Variants in ZNF268 observed in about 807,000 individuals in gnomAD.
The protein encoded by ZNF268 is zinc finger protein 3.
In ZNF268, 20 loss-of-function variants were observed where a neutral mutation model predicts 29.3. The observed-to-expected ratio is 0.68, with a 90% confidence interval of 0.48 to 0.99. The LOEUF is 0.99. Ranked by LOEUF, ZNF268 falls within the 50% of genes least tolerant of loss-of-function variation. ZNF268 has a pLI of 0.00. For synonymous variants in ZNF268, 429 were observed against 376.9 expected (o/e 1.14, Z -1.60); for missense variants, 1,240 against 1,121.6 (o/e 1.11, Z -1.51).
At position 133,203,484 on chromosome 12, in the gene ZNF268, A is replaced by G. The variant is rs371063082; in HGVS notation, c.1798A>G (p.Ile600Val). ...GKAFGLKSQL[I>V]IHQRTHTGEK... is the part of the protein sequence containing the mutation. ...GGCTTTTGGTTTAAAGTCACAGCTT[A>G]TTATACACCAGAGAACTCATACAGG... The change falls in exon 6 of 6, where the codon ATT becomes GTT. Residue 600 changes from isoleucine to valine, a missense_variant. Coordinates refer to ENST00000536435, the MANE Select transcript of ZNF268 (RefSeq NM_003415.3). 1.6e-5 allele frequency: 24 copies of G among 1,542,916 alleles called. No homozygotes were observed. In the African/African-American group the frequency reaches 2.7e-4, roughly 18 times the overall value.
At position 133,203,446 on chromosome 12, in the gene ZNF268, CCGA is replaced by C. The variant is rs1299929694; in HGVS notation, c.1762_1764del (p.Asp588del). 1.9e-6 allele frequency: 3 copies of C among 1,541,632 alleles called. No homozygotes were observed. In the African/African-American group the frequency reaches 4.1e-5, roughly 21 times the overall value. On this transcript the variant is annotated inframe_deletion, in exon 6 of 6. Transcript: ENST00000536435. ...GCAGGAGAGAAGCCTTATGAATGCA[CCGA>C]CTGTGGAAAGGCTTTTGGTTTAAAG...
At position 133,202,245 on chromosome 12, in the gene ZNF268, C is replaced by T; in HGVS notation, c.559C>T (p.Leu187=). The change falls in exon 6 of 6, where the codon CTA becomes TTA. Residue 187 remains leucine (L), a synonymous_variant. Coordinates refer to ENST00000536435, the MANE Select transcript of ZNF268 (RefSeq NM_003415.3). ...KSFECTTFGK[L]CLLSTKYLSR... ...CTTTGAATGCACTACATTTGGAAAA[C>T]TATGTCTTCTTAGTACAAAGTATCT... 6.2e-7 allele frequency: 1 copy of T among 1,612,218 alleles called. No individual in the cohort carries two copies. The highest frequency in any genetic ancestry group is 8.5e-7 in the Non-Finnish European group (1 of 1,179,108).
At chr12:133,198,466 T>C (rs921391383) in intron 5 of ZNF268, among the ~76,000 whole-genome samples, 17 of 151,328 alleles carry the variant, frequency 1.1e-4, no homozygotes, top group Middle Eastern at 3.4e-3. Flanking sequence ...AGTCAGGTAG[T>C]GTGATGCCTC....
chr12:133,190,638 A>C (rs1038533020), intron 3 of ZNF268, among the ~76,000 whole-genome samples: 44 of 152,334 alleles, frequency 2.9e-4, no homozygotes, highest in African/African-American at 1.0e-3. Flanking sequence ...TACTTACAGC[A>C]GTTACCTTTT....
intron 3 of ZNF268, 55 bp from the exon 4 acceptor site, chr12:133,191,434 T>C: frequency 6.2e-7 from 1 of 1,610,660 alleles, no homozygotes; most frequent in Non-Finnish European, 8.5e-7. Flanking sequence ...AAACAGCTAG[T>C]TTTCCACAAA....
At chr12:133,182,069 C>A in intron 2 of ZNF268, 39 bp downstream of exon 2, 1 of 1,550,692 alleles carries the variant, frequency 6.4e-7, no homozygotes, top group South Asian at 1.2e-5. Context: ...AAAGCTCTCC[C>A]TGAATGCCAA....
chr12:133,200,533 G>A (rs1412334535), intron 5 of ZNF268, among the ~76,000 whole-genome samples: 1 of 152,136 alleles, frequency 6.6e-6, no homozygotes, highest in Non-Finnish European at 1.5e-5. Context: ...TTCTGTAGAT[G>A]TCTATTAGCT....
Position 133,203,853 on chromosome 12 carries a change from C to T in ZNF268, c.2167C>T (p.Pro723Ser). Residue 723 changes from proline (P) to serine (S), a missense_variant, in exon 6 of 6, where the codon CCA becomes TCA. By Grantham distance (74) the Pro-to-Ser change is moderately conservative (BLOSUM62 -1). Around this residue, in one of 3 missense-constraint regions of ZNF268, gnomAD observed 1,177 missense variants for 1,039.6 expected, o/e 1.13. Transcript: ENST00000536435. ...TATGAGAACTCATACAGGAGAGAAACCACATGAGTGCAGGGAATGCGGGAA... is the reference window on the plus strand; with the variant it reads ...TATGAGAACTCATACAGGAGAGAAATCACATGAGTGCAGGGAATGCGGGAA... ...IHMRTHTGEK[P>S]HECRECGKSF... 1 of 1,566,986 alleles carries T rather than the reference C, an allele frequency of 6.4e-7. No homozygotes were observed. Among genetic ancestry groups the T allele is most frequent in the Non-Finnish European group, 8.6e-7 (1 of 1,161,706 alleles).
intron 2 of ZNF268, among the ~76,000 whole-genome samples, chr12:133,186,593 G>A (rs770639209): frequency 2.6e-5 from 4 of 151,830 alleles, no homozygotes; most frequent in Non-Finnish European, 4.4e-5. Flanking sequence ...GCCCAGGCTG[G>A]TCTCGAACTC....
chr12:133,184,731 C>T (rs990559423), intron 2 of ZNF268: 42 of 450,388 alleles, frequency 9.3e-5, no homozygotes, highest in African/African-American at 7.8e-4. Flanking sequence ...GTTCTCTTGC[C>T]TCAGCCTCCT....
rs1413782998 is a variant in ZNF268, at chr12:133,203,086, C to G, written c.1400C>G (p.Thr467Arg). ...SQLIVHQGIH[T>R]GVKPYGCIQC... ...CTCATTGTACATCAGGGGATTCACACAGGAGTAAAGCCCTATGGGTGTATT... is the reference window on the plus strand; with the variant it reads ...CTCATTGTACATCAGGGGATTCACAGAGGAGTAAAGCCCTATGGGTGTATT... The change falls in exon 6 of 6, where the codon ACA (threonine) becomes AGA (arginine). Residue 467 changes from threonine to arginine, a missense_variant. By Grantham distance (71) the Thr-to-Arg change is moderately conservative. Around this residue, in one of 3 missense-constraint regions of ZNF268, gnomAD observed 1,177 missense variants for 1,039.6 expected, o/e 1.13. Transcript: ENST00000536435. 1.3e-6 allele frequency: 2 copies of G among 1,537,592 alleles called. No homozygotes were observed. The highest frequency in any genetic ancestry group is 1.7e-6 in the Non-Finnish European group (2 of 1,146,944).
At chr12:133,191,250 T>C (rs1438345307) in intron 3 of ZNF268, among the ~76,000 whole-genome samples, 2 of 151,188 alleles carry the variant, frequency 1.3e-5, no homozygotes, top group African/African-American at 2.4e-5. Context: ...CCAGGAGGTA[T>C]ACCTTGCAGT....
At chr12:133,192,910 C>T (rs897897626) in intron 5 of ZNF268, among the ~76,000 whole-genome samples, 1 of 152,184 alleles carries the variant, frequency 6.6e-6, no homozygotes, top group African/African-American at 2.4e-5. Flanking sequence ...CCGCCCACCT[C>T]GGCCTCCCAA....
At position 133,202,403 on chromosome 12, in the gene ZNF268, T is replaced by C; in HGVS notation, c.717T>C (p.His239=). The change falls in exon 6 of 6, where the codon CAT becomes CAC. Residue 239 remains histidine (H), a synonymous_variant. Coordinates refer to ENST00000536435, the MANE Select transcript of ZNF268 (RefSeq NM_003415.3). Reference sequence around the variant, plus strand: ...GAAAATCATTCTTCCATTCTAAACATGAGCAAACTGTTATTGGAATAAAAT... The same window carrying C: ...GAAAATCATTCTTCCATTCTAAACACGAGCAAACTGTTATTGGAATAAAAT... The part of the protein sequence containing the change: ...VHGKSFFHSK[H]EQTVIGIKYC... 1 of 1,611,192 alleles carries C rather than the reference T, an allele frequency of 6.2e-7. No homozygotes were observed. Among genetic ancestry groups the C allele is most frequent in the African/African-American group, 1.3e-5 (1 of 74,980 alleles).
At chr12:133,189,725 A>G (rs2135493436) in intron 3 of ZNF268, among the ~76,000 whole-genome samples, 2 of 152,336 alleles carry the variant, frequency 1.3e-5, no homozygotes, top group East Asian at 3.9e-4. Context: ...TCTGTAAAAA[A>G]GGACAGTTTT....
In ZNF268 at chr12:133,212,474, T is replaced by TATATAC. The variant is rs1956997324; in HGVS notation, c.*7949_*7950insCATATA. On this transcript the variant is annotated 3_prime_UTR_variant, in exon 6 of 6. Transcript: ENST00000536435. ...ATATATATATATATATATATATATA[T>TATATAC]ATATATATATATATATATATATATG... 1 of 9,496 alleles carries TATATAC rather than the reference T, an allele frequency of 1.1e-4. No individual in the cohort carries two copies. The highest frequency in any genetic ancestry group is 1.4e-3 in the Admixed American group (1 of 724). The allele number at this position is 9,496 out of a possible 1,614,324, so 0.6% of individuals were successfully genotyped here.
chr12:133,193,606 G>A (rs1042419790), intron 5 of ZNF268: 8 of 541,884 alleles, frequency 1.5e-5, no homozygotes, highest in African/African-American at 7.6e-5. Context: ...TTTTAGAAAC[G>A]ACTAATCCAT....
rs1956838408 is a variant in ZNF268 at position 133,204,163 on chromosome 12, A to G, written c.2477A>G (p.His826Arg). 2.6e-6 allele frequency: 4 copies of G among 1,542,036 alleles called. No homozygotes were observed. Among genetic ancestry groups the G allele is most frequent in the South Asian group, 1.2e-5 (1 of 84,150 alleles). The change falls in exon 6 of 6, where the codon CAT (histidine) becomes CGT (arginine). Residue 826 changes from histidine (H) to arginine (R), a missense_variant. His to Arg is a conservative substitution (Grantham distance 29). This residue lies in a region of ZNF268 where 1,177 missense variants were observed against 1,039.6 expected (regional missense o/e 1.13). Coordinates refer to ENST00000536435, the MANE Select transcript of ZNF268 (RefSeq NM_003415.3). ...AFIWKSLLIV[H>R]ERTHAGVNPY... ...ATTTGGAAATCACTACTCATTGTAC[A>G]TGAGCGAACTCATGCAGGGGTCAAC...
In ZNF268 at chr12:133,211,111, A is replaced by T. The variant is rs1422901887; in HGVS notation, c.*6581A>T. The stretch of plus-strand genomic sequence containing the variant: ...GATGGCCATAGACAAAAGTCAAGTG[A>T]TTTCCTATATATTTGAAATAATGTA... On this transcript the variant is annotated 3_prime_UTR_variant, in exon 6 of 6. Transcript: ENST00000536435. 1 of 432,030 alleles carries T rather than the reference A, an allele frequency of 2.3e-6. No individual in the cohort carries two copies. Among genetic ancestry groups the T allele is most frequent in the Non-Finnish European group, 4.7e-6 (1 of 210,874 alleles). 26.8% of individuals were successfully genotyped at this position (432,030 alleles called of 1,614,324 possible). A position where few individuals can be genotyped will look rare whatever the true frequency, so the allele number is the denominator to read the frequency against.
Sources: gnomAD v4.1 joint callset for allele counts (sites outside exome capture counted in the v4.1 genomes callset) on GRCh38, gnomAD v4.1.1 for gene constraint, gnomAD v4.1.1 regional missense constraint, MANE v1.5 for transcripts, NCBI Gene and HGNC (gene_info 2026-07-23, HGNC 2026-07-21) for gene names.